Variants in XNDC1N observed in about 807,000 individuals in gnomAD.
XNDC1N encodes the protein protein XNDC1N.
At chr11:71,901,047 C>CA in the XNDC1N span, among the ~76,000 whole-genome samples, 4 of 152,146 alleles carry the variant, frequency 2.6e-5, no homozygotes, top group African/African-American at 9.7e-5. Flanking sequence ...CACAGCTAGA[C>CA]CAGTGGGTGC....
chr11:71,899,305 G>C, the XNDC1N span, among the ~76,000 whole-genome samples: 1 of 152,124 alleles, frequency 6.6e-6, no homozygotes, highest in African/African-American at 2.4e-5. Flanking sequence ...GCACCACACA[G>C]GGAGGACAGT....
chr11:71,899,320 C>A, the XNDC1N span, among the ~76,000 whole-genome samples: 1 of 152,142 alleles, frequency 6.6e-6, no homozygotes. Flanking sequence ...GACAGTGGAC[C>A]TGTTCTCCGT....
At chr11:71,900,615 T>C in the XNDC1N span, among the ~76,000 whole-genome samples, 3 of 152,194 alleles carry the variant, frequency 2.0e-5, no homozygotes, top group Non-Finnish European at 2.9e-5. Flanking sequence ...TAGCAGGGAA[T>C]CAGTCCCTCT....
At chr11:71,903,662 T>TC in the XNDC1N span, 5 of 455,412 alleles carry the variant, frequency 1.1e-5, no homozygotes, top group African/African-American at 8.2e-5. Flanking sequence ...TTTTTTTTTT[T>TC]TCCCTCAGTC....
the XNDC1N span, chr11:71,894,282 T>C: frequency 4.2e-3 from 1,690 of 400,472 alleles, 16 homozygotes; most frequent in South Asian, 0.011. Flanking sequence ...CCAGGAATGG[T>C]GTGATGGCGT....
chr11:71,920,939 T>C, the XNDC1N span, among the ~76,000 whole-genome samples: 2 of 152,128 alleles, frequency 1.3e-5, no homozygotes, highest in Admixed American at 6.5e-5. Flanking sequence ...CACTCCAGCC[T>C]GGGAGACAGA....
chr11:71,903,978 A>G, the XNDC1N span: 2 of 512,716 alleles, frequency 3.9e-6, no homozygotes, highest in Non-Finnish European at 7.8e-6. Context: ...ACCTCGGTTC[A>G]GATGTGTCAT....
At chr11:71,903,299 G>A in the XNDC1N span, 3 of 1,388,500 alleles carry the variant, frequency 2.2e-6, no homozygotes, top group Non-Finnish European at 3.1e-6. Flanking sequence ...CATGTGCCTG[G>A]TCACGGTGCT....
chr11:71,888,347 G>A, the XNDC1N span, among the ~76,000 whole-genome samples: 1 of 152,166 alleles, frequency 6.6e-6, no homozygotes, highest in Non-Finnish European at 1.5e-5. Context: ...GTGGGGTTTT[G>A]TAGACTATGG....
At chr11:71,912,818 C>A in the XNDC1N span, among the ~76,000 whole-genome samples, 1 of 152,094 alleles carries the variant, frequency 6.6e-6, no homozygotes, top group Non-Finnish European at 1.5e-5. Flanking sequence ...GAAAAAATGT[C>A]ACTGGGGATG....
the XNDC1N span, among the ~76,000 whole-genome samples, chr11:71,883,443 T>C: frequency 9.9e-5 from 15 of 152,172 alleles, no homozygotes; most frequent in African/African-American, 3.6e-4. Context: ...CTGACACTTA[T>C]AAAGTCAACT....
At chr11:71,867,746 T>C in the XNDC1N span, among the ~76,000 whole-genome samples, 1 of 152,222 alleles carries the variant, frequency 6.6e-6, no homozygotes, top group Non-Finnish European at 1.5e-5. Flanking sequence ...CATGTGCAGA[T>C]GAGAAGAATG....
chr11:71,893,305 TGA>T, the XNDC1N span: 2 of 523,344 alleles, frequency 3.8e-6, no homozygotes, highest in Non-Finnish European at 7.0e-6. Context: ...GTAATAATTC[TGA>T]GATTTTTGGA....
chr11:71,876,906 A>G, the XNDC1N span, among the ~76,000 whole-genome samples: 6 of 152,234 alleles, frequency 3.9e-5, no homozygotes, highest in Non-Finnish European at 8.8e-5. Context: ...AACCAGCACA[A>G]TGACCCTAAG....
the XNDC1N span, chr11:71,884,706 T>C: frequency 2.6e-6 from 3 of 1,134,490 alleles, no homozygotes; most frequent in Non-Finnish European, 3.8e-6. Flanking sequence ...ATTTTATAAA[T>C]GCTTACACTC....
the XNDC1N span, chr11:71,917,878 A>C: frequency 1.6e-6 from 1 of 636,582 alleles, no homozygotes; most frequent in East Asian, 2.7e-5. Flanking sequence ...GCTAGCTGAA[A>C]GCCAGAAAGG....
chr11:71,910,572 T>G, the XNDC1N span, among the ~76,000 whole-genome samples: 17 of 152,266 alleles, frequency 1.1e-4, no homozygotes, highest in East Asian at 1.9e-4. Flanking sequence ...CCCCACGGCA[T>G]TCGGGTGTGC....
the XNDC1N span, among the ~76,000 whole-genome samples, chr11:71,866,146 CTTTT>C: frequency 6.8e-6 from 1 of 147,016 alleles, no homozygotes; most frequent in Non-Finnish European, 1.5e-5. Context: ...GAGATAACCC[CTTTT>C]TTTTTTTTTT....
At chr11:71,923,611 A>G in the XNDC1N span, 1 of 450,820 alleles carries the variant, frequency 2.2e-6, no homozygotes, top group Non-Finnish European at 4.0e-6. Context: ...ACTGGAGTGC[A>G]GTGGCGCAAT....
Sources: gnomAD v4.1 joint callset for allele counts (sites outside exome capture counted in the v4.1 genomes callset) on GRCh38, gnomAD v4.1.1 for gene constraint, MANE v1.5 for transcripts, NCBI Gene and HGNC (gene_info 2026-07-23, HGNC 2026-07-21) for gene names.